UBE2F: variants seen among roughly 807,000 people sequenced by gnomAD.
UBE2F encodes NEDD8-conjugating enzyme UBE2F.
Under a neutral mutation model 29.6 loss-of-function variants are expected in UBE2F, and 5 were observed. That is an observed-to-expected ratio of 0.17 (90% CI 0.09 to 0.36). The LOEUF (loss-of-function observed/expected upper bound fraction) is 0.36, where lower values mean the gene tolerates loss of function less well. Ranked by LOEUF, UBE2F falls within the 10% of genes least tolerant of loss-of-function variation. The pLI is 1.00. For missense variants in UBE2F, 141 were observed against 228.5 expected (o/e 0.62, Z 2.47); for synonymous variants, 66 against 81.8 (o/e 0.81, Z 1.04).
At chr2:238,038,950 C>G (rs2064779568) in intron 9 of UBE2F, among the ~76,000 whole-genome samples, 1 of 152,202 alleles carries the variant, frequency 6.6e-6, no homozygotes, top group Admixed American at 6.5e-5. Flanking sequence ...GGTGAACAAA[C>G]ACGGCCAGAC....
chr2:237,978,372 C>T (rs910568174), intron 2 of UBE2F, among the ~76,000 whole-genome samples: 2 of 152,204 alleles, frequency 1.3e-5, no homozygotes, highest in African/African-American at 4.8e-5. Context: ...GAGGCAGGAG[C>T]TTGTCCCTGG....
intron 4 of UBE2F, among the ~76,000 whole-genome samples, chr2:238,001,223 A>G (rs536615793): frequency 1.9e-4 from 29 of 151,814 alleles, no homozygotes; most frequent in African/African-American, 6.0e-4. Flanking sequence ...AGTAAAGACA[A>G]GGTTTCTCCA....
chr2:238,025,260 G>A, intron 5 of UBE2F, 82 bp from the exon 6 acceptor site: 1 of 1,184,592 alleles, frequency 8.4e-7, no homozygotes, highest in Non-Finnish European at 1.3e-6. Flanking sequence ...CGTCTAGATA[G>A]GGGATGTGGT....
At chr2:238,010,479 A>G (rs546930212) in intron 4 of UBE2F, among the ~76,000 whole-genome samples, 1 of 152,270 alleles carries the variant, frequency 6.6e-6, no homozygotes, top group Admixed American at 6.5e-5. Context: ...CCCAGAGCTC[A>G]CTATTTGAAA....
chr2:237,975,827 C>T (rs912583729), intron 2 of UBE2F, among the ~76,000 whole-genome samples: 1 of 151,940 alleles, frequency 6.6e-6, no homozygotes, highest in African/African-American at 2.4e-5. Flanking sequence ...TTAGTAGAGA[C>T]GGGGTTTCAA....
intron 2 of UBE2F, among the ~76,000 whole-genome samples, chr2:237,978,658 C>T (rs2063328867): frequency 6.6e-6 from 1 of 152,178 alleles, no homozygotes; most frequent in African/African-American, 2.4e-5. Context: ...TGGAGTGATG[C>T]TTGTAGCTGC....
chr2:237,979,561 G>A (rs550799113), intron 2 of UBE2F, among the ~76,000 whole-genome samples: 26 of 152,316 alleles, frequency 1.7e-4, no homozygotes, highest in African/African-American at 6.0e-4. Context: ...AGTGTGTGCC[G>A]CTGGGAGGTT....
intron 8 of UBE2F, chr2:238,035,630 T>G (rs879328619): frequency 4.9e-6 from 2 of 411,866 alleles, no homozygotes; most frequent in African/African-American, 4.0e-5. Flanking sequence ...TTCACCAAAC[T>G]TTGTAGAACT....
intron 4 of UBE2F, among the ~76,000 whole-genome samples, chr2:238,004,118 T>C (rs2063852914): frequency 6.6e-6 from 1 of 152,254 alleles, no homozygotes; most frequent in Non-Finnish European, 1.5e-5. Flanking sequence ...ACAGTTTGAT[T>C]ATCCATTCAT....
At chr2:237,976,503 GT>G (rs1348785820) in intron 2 of UBE2F, among the ~76,000 whole-genome samples, 8 of 152,214 alleles carry the variant, frequency 5.3e-5, no homozygotes, top group Non-Finnish European at 1.0e-4. Flanking sequence ...AAACAATAGA[GT>G]TTTGGAGGCT....
chr2:238,036,033 C>A, intron 9 of UBE2F, 93 bp downstream of exon 9: 1 of 1,148,568 alleles, frequency 8.7e-7, no homozygotes, highest in Non-Finnish European at 1.3e-6. Context: ...AATTTATCCA[C>A]CAAGAGAGTG....
At chr2:237,989,569 T>C (rs1284878493) in intron 3 of UBE2F, among the ~76,000 whole-genome samples, 2 of 151,920 alleles carry the variant, frequency 1.3e-5, no homozygotes, top group African/African-American at 4.8e-5. Flanking sequence ...GGCAGGCTGG[T>C]CTCAAACTCT....
At chr2:238,014,650 C>T (rs976327592) in intron 4 of UBE2F, among the ~76,000 whole-genome samples, 10 of 152,150 alleles carry the variant, frequency 6.6e-5, no homozygotes, top group African/African-American at 2.2e-4. Context: ...AAAAGGACAG[C>T]GCGGGTGAAG....
intron 3 of UBE2F, chr2:237,990,381 G>A (rs1370849695): frequency 2.2e-6 from 1 of 451,314 alleles, no homozygotes; most frequent in Admixed American, 2.5e-5. Context: ...CCCCCAACTT[G>A]AGCCTGTATA....
chr2:237,995,148 A>G (rs926553393), intron 4 of UBE2F, among the ~76,000 whole-genome samples: 6 of 152,216 alleles, frequency 3.9e-5, no homozygotes, highest in Non-Finnish European at 7.3e-5. Context: ...GACCTTGGTT[A>G]AGTTGCTTAA....
chr2:237,986,781 A>G (rs1490124950), intron 2 of UBE2F, among the ~76,000 whole-genome samples: 1 of 152,082 alleles, frequency 6.6e-6, no homozygotes, highest in Non-Finnish European at 1.5e-5. Context: ...TCCTTTCCCC[A>G]TGGTGTTTTC....
intron 3 of UBE2F, chr2:237,990,521 GTC>G (rs374033078): frequency 7.9e-4 from 297 of 377,934 alleles, no homozygotes; most frequent in African/African-American, 6.1e-3. Flanking sequence ...TCCCACCTCA[GTC>G]TCCTGAGCAG....
Position 237,994,551 on chromosome 2 carries a change from A to G in UBE2F, c.149-193A>G, listed in dbSNP as rs369065181. Among the ~76,000 whole-genome samples the G allele has an allele frequency of 3.9e-5, 6 of 152,350 alleles. No individual in the cohort carries two copies. In the East Asian group the frequency reaches 5.8e-4, roughly 15 times the overall value. On this transcript the variant is annotated intron_variant, in intron 3 of 9. Coordinates refer to ENST00000272930, the MANE Select transcript of UBE2F (RefSeq NM_080678.3). ...ACTGTAAGGAGAAAAGCACATGACA[A>G]AAACCACTGGTTTGCAATTTTAGAG...
chr2:237,990,289 CTCTTT>C (rs1273887530), intron 3 of UBE2F: 8 of 389,982 alleles, frequency 2.1e-5, no homozygotes, highest in Middle Eastern at 6.2e-4. Flanking sequence ...TTATACTCTT[CTCTTT>C]TATTAGGACA....
Sources: allele counts gnomAD v4.1 joint callset (sites outside exome capture counted in the v4.1 genomes callset), GRCh38; gene constraint gnomAD v4.1.1; transcripts MANE v1.5; gene names NCBI Gene and HGNC (gene_info 2026-07-23, HGNC 2026-07-21).